PBX3: variants seen among roughly 807,000 people sequenced by gnomAD.
The protein encoded by PBX3 is pre-B-cell leukemia transcription factor 3.
PBX3 carries 14 observed loss-of-function variants against 48.5 expected under a neutral mutation model. The ratio of observed to expected loss-of-function variants is 0.29; its 90% CI spans 0.19 to 0.45. PBX3 has a LOEUF of 0.45. Among genes scored for constraint, PBX3 ranks in the 20% least tolerant of loss-of-function variants. The pLI, the probability that PBX3 is intolerant of heterozygous loss-of-function variation, is 1.00. For missense variants in PBX3, 386 were observed against 546.7 expected, an observed-to-expected ratio of 0.71 and a Z score of 2.93; for synonymous variants, 210 against 200.3, an observed-to-expected ratio of 1.05 and a Z score of -0.41.
chr9:125,839,424 A>G (rs577144034), intron 2 of PBX3, among the ~76,000 whole-genome samples: 66 of 152,318 alleles, frequency 4.3e-4, no homozygotes, highest in African/African-American at 1.5e-3. Context: ...TGTCTTTTTC[A>G]CAGCAATTCA....
chr9:125,832,118 A>C (rs1294914051), intron 2 of PBX3, among the ~76,000 whole-genome samples: 2 of 152,114 alleles, frequency 1.3e-5, no homozygotes, highest in Non-Finnish European at 2.9e-5. Context: ...TTTTATGACA[A>C]AAAATTTATT....
At chr9:125,905,160 C>A (rs888287911) in intron 2 of PBX3, among the ~76,000 whole-genome samples, 1 of 151,696 alleles carries the variant, frequency 6.6e-6, no homozygotes, top group Admixed American at 6.6e-5. Flanking sequence ...TACACATTGC[C>A]CTCTAAGTAA....
intron 2 of PBX3, among the ~76,000 whole-genome samples, chr9:125,860,626 C>T (rs969603536): frequency 6.6e-6 from 1 of 152,146 alleles, no homozygotes; most frequent in Non-Finnish European, 1.5e-5. Flanking sequence ...TGCGGTGGCT[C>T]ATGCTTATAA....
intron 2 of PBX3, among the ~76,000 whole-genome samples, chr9:125,761,487 G>A (rs1484883028): frequency 6.6e-6 from 1 of 152,018 alleles, no homozygotes; most frequent in Non-Finnish European, 1.5e-5. Flanking sequence ...ATTTTAATGA[G>A]GTTCATCGAG....
In PBX3 at chr9:125,927,485, G is replaced by A. The variant is rs573206362; in HGVS notation, c.517-2170G>A. Among the ~76,000 whole-genome samples the A allele has an allele frequency of 1.1e-4, 16 of 152,178 alleles. No individual in the cohort carries two copies. The South Asian group carries it at 1.2e-3, about 12-fold the overall frequency. The stretch of plus-strand genomic sequence containing the variant: ...TTAGAAAAACCATCATGTGCTATAT[G>A]TGAGCAATGTTTGGGATATCTCTAG... On this transcript the variant is annotated intron_variant, in intron 3 of 8. Transcript: ENST00000373489.
intron 2 of PBX3, among the ~76,000 whole-genome samples, chr9:125,875,398 C>T (rs1288394193): frequency 1.3e-5 from 2 of 151,998 alleles, no homozygotes; most frequent in African/African-American, 2.4e-5. Flanking sequence ...TAATCATTTC[C>T]ATCTTCTGGG....
intron 8 of PBX3, among the ~76,000 whole-genome samples, chr9:125,963,782 AC>A (rs1455517195): frequency 6.6e-6 from 1 of 152,116 alleles, no homozygotes; most frequent in African/African-American, 2.4e-5. Context: ...TGCCCAGCTC[AC>A]GGTAGTAGAC....
chr9:125,873,141 C>T (rs1181960270), intron 2 of PBX3, among the ~76,000 whole-genome samples: 1 of 150,170 alleles, frequency 6.7e-6, no homozygotes. Context: ...GCCAAGATTG[C>T]GCCACTGCAC....
intron 2 of PBX3, among the ~76,000 whole-genome samples, chr9:125,847,680 T>C (rs1196373280): frequency 6.6e-6 from 1 of 151,964 alleles, no homozygotes; most frequent in East Asian, 1.9e-4. Context: ...TTCTTTATCC[T>C]TTTCTTTATT....
chr9:125,779,130 T>C (rs976257780), intron 2 of PBX3, among the ~76,000 whole-genome samples: 1 of 142,774 alleles, frequency 7.0e-6, no homozygotes, highest in Admixed American at 7.1e-5. Flanking sequence ...TCTATAAATT[T>C]GCCTAGTTTA....
intron 2 of PBX3, among the ~76,000 whole-genome samples, chr9:125,853,790 C>A (rs1839645328): frequency 6.6e-6 from 1 of 152,102 alleles, no homozygotes. Flanking sequence ...TGAGTGAATA[C>A]TTATTAGTTT....
intron 6 of PBX3, among the ~76,000 whole-genome samples, chr9:125,961,446 G>A (rs576759139): frequency 9.2e-5 from 14 of 152,292 alleles, no homozygotes; most frequent in Admixed American, 7.8e-4. Context: ...TTGTGAGGGG[G>A]TTAGAAATAC....
intron 2 of PBX3, among the ~76,000 whole-genome samples, chr9:125,904,320 T>G (rs1841019443): frequency 6.6e-6 from 1 of 151,898 alleles, no homozygotes; most frequent in African/African-American, 2.4e-5. Context: ...AGCACAGCTC[T>G]TGTTGAAGAT....
intron 2 of PBX3, among the ~76,000 whole-genome samples, chr9:125,832,953 G>C (rs1207689364): frequency 6.6e-6 from 1 of 152,148 alleles, no homozygotes; most frequent in Non-Finnish European, 1.5e-5. Flanking sequence ...TGATGGCTCT[G>C]TCTGGTTTTG....
At chr9:125,928,720 C>T (rs774711427) in intron 3 of PBX3, among the ~76,000 whole-genome samples, 8 of 152,158 alleles carry the variant, frequency 5.3e-5, no homozygotes, top group Non-Finnish European at 1.0e-4. Flanking sequence ...CCGCCTCAGC[C>T]TCCCAATGTG....
At chr9:125,849,099 G>C (rs1030566360) in intron 2 of PBX3, among the ~76,000 whole-genome samples, 4 of 151,934 alleles carry the variant, frequency 2.6e-5, no homozygotes, top group African/African-American at 9.7e-5. Context: ...ATGTTAATCA[G>C]CTTGCTCCGG....
At chr9:125,897,298 G>A (rs1156502119) in intron 2 of PBX3, among the ~76,000 whole-genome samples, 1 of 151,700 alleles carries the variant, frequency 6.6e-6, no homozygotes, top group Non-Finnish European at 1.5e-5. Context: ...TCATTAATTT[G>A]TGGAAGACTA....
At chr9:125,909,893 G>A (rs1428267284) in intron 2 of PBX3, among the ~76,000 whole-genome samples, 1 of 152,136 alleles carries the variant, frequency 6.6e-6, no homozygotes, top group Non-Finnish European at 1.5e-5. Context: ...TTAGCTGCCT[G>A]CCTTCTTGAG....
intron 2 of PBX3, among the ~76,000 whole-genome samples, chr9:125,881,140 A>T (rs915961765): frequency 6.6e-6 from 1 of 152,206 alleles, no homozygotes. Context: ...TCAGCTCTTC[A>T]ATTTATGGCT....
Sources: gnomAD v4.1 joint callset for allele counts (sites outside exome capture counted in the v4.1 genomes callset) on GRCh38, gnomAD v4.1.1 for gene constraint, MANE v1.5 for transcripts, NCBI Gene and HGNC (gene_info 2026-07-23, HGNC 2026-07-21) for gene names.